Variants in LBHD1 observed in about 807,000 individuals in gnomAD.
LBHD1 encodes the protein LBH domain-containing protein 1.
LBHD1 carries 28 observed loss-of-function variants against 31.1 expected under a neutral mutation model. That is an observed-to-expected ratio of 0.90 (90% confidence interval 0.67 to 1.24). LBHD1 has a LOEUF of 1.24. Among genes scored for constraint, LBHD1 ranks in the 50% most tolerant of loss-of-function variants. LBHD1 has a pLI of 0.00. For synonymous variants in LBHD1, 105 were observed against 116.5 expected (o/e 0.90, Z 0.63); for missense variants, 350 against 323.0 (o/e 1.08, Z -0.64).
In LBHD1 at chr11:62,671,798, C is replaced by A; in HGVS notation, c.-245G>T. The A allele has an allele frequency of 1.2e-6, 2 of 1,614,120 alleles. No individual in the cohort carries two copies. Among genetic ancestry groups the A allele is most frequent in the Non-Finnish European group, 1.7e-6 (2 of 1,180,022 alleles). On this transcript the variant is annotated 5_prime_UTR_variant, in exon 1 of 7. Coordinates refer to ENST00000354588, the MANE Select transcript of LBHD1 (RefSeq NM_024099.5). Reference sequence around the variant, plus strand: ...TCAGTCGCAATGCTGGGCGCAGGGGCTGGCGTGGGCTACGCGCTCCTCGTT... The same window carrying A: ...TCAGTCGCAATGCTGGGCGCAGGGGATGGCGTGGGCTACGCGCTCCTCGTT...
At chr11:62,663,431 G>A in intron 5 of LBHD1, 98 bp from the exon 6 acceptor site, 1 of 1,289,628 alleles carries the variant, frequency 7.8e-7, no homozygotes, top group Non-Finnish European at 1.1e-6. Flanking sequence ...AATAGGCTGG[G>A]CGCAGTGGCT....
At chr11:62,668,034 C>A in intron 3 of LBHD1, 1 of 294,532 alleles carries the variant, frequency 3.4e-6, no homozygotes, top group East Asian at 5.8e-5. Flanking sequence ...AGCTGCTGCA[C>A]TTGAGCTAAA....
chr11:62,664,884 T>G lies in LBHD1; in HGVS notation c.628A>C (p.Arg210=). ...TGAGGTGGTGCCGCGTGATCAGCCC[T>G]TGGTCTATCACAGCCCCGACCACCC... ...APGGRGCDRP[R]ADHAAPPQEA... Residue 210 remains arginine, a synonymous_variant, in exon 5 of 7, where the codon AGG becomes CGG. Transcript: ENST00000354588. 1 of 1,587,074 alleles carries G rather than the reference T, an allele frequency of 6.3e-7. No individual in the cohort carries two copies. Among genetic ancestry groups the G allele is most frequent in the Non-Finnish European group, 8.6e-7 (1 of 1,166,740 alleles).
Position 62,670,080 on chromosome 11 carries a change from G to A in LBHD1, c.-10-39C>T, listed in dbSNP as rs753084147. On this transcript the variant is annotated intron_variant, in intron 1 of 6. Coordinates refer to ENST00000354588, the MANE Select transcript of LBHD1 (RefSeq NM_024099.5). ...ATGATTGAACTCAGAGGAGAGTACT[G>A]CTGCCCAGTGCACCCCACAAACTGT... 5 of 1,545,726 alleles carry A rather than the reference G, an allele frequency of 3.2e-6. No individual in the cohort carries two copies. In the East Asian group the frequency reaches 9.0e-5, roughly 28 times the overall value.
rs771786748 is a variant in LBHD1 at position 62,672,119 on chromosome 11, G to A, written c.-566C>T. On this transcript the variant is annotated 5_prime_UTR_variant, in exon 1 of 7. Coordinates refer to ENST00000354588, the MANE Select transcript of LBHD1 (RefSeq NM_024099.5). ...GCCGGCGGGAGGTCACCGTGAGACC[G>A]GACTTGCCTCCGTGGGCGCCGGACC... 20 of 1,567,768 alleles carry A rather than the reference G, an allele frequency of 1.3e-5. No homozygotes were observed. The highest frequency in any genetic ancestry group is 1.7e-5 in the Non-Finnish European group (20 of 1,157,824).
intron 3 of LBHD1, among the ~76,000 whole-genome samples, chr11:62,669,041 C>T (rs916634596): frequency 1.3e-5 from 2 of 151,428 alleles, no homozygotes; most frequent in Non-Finnish European, 2.9e-5. Context: ...ATTCTCCTGC[C>T]TCCCGAGTAG....
In LBHD1 at chr11:62,664,878, C is replaced by G; in HGVS notation, c.634G>C (p.Asp212His). 6.3e-7 allele frequency: 1 copy of G among 1,582,706 alleles called. No individual in the cohort carries two copies. The highest frequency in any genetic ancestry group is 8.6e-7 in the Non-Finnish European group (1 of 1,164,336). ...GCTTCTTGAGGTGGTGCCGCGTGATCAGCCCTTGGTCTATCACAGCCCCGA... is the reference window on the plus strand; with the variant it reads ...GCTTCTTGAGGTGGTGCCGCGTGATGAGCCCTTGGTCTATCACAGCCCCGA... ...GGRGCDRPRA[D>H]HAAPPQEAGV... Residue 212 changes from aspartate to histidine, a missense_variant, in exon 5 of 7, where the codon GAT (aspartate) becomes CAT (histidine). Transcript: ENST00000354588.
chr11:62,670,494 T>C (rs1944919181), intron 1 of LBHD1: 1 of 158,562 alleles, frequency 6.3e-6, no homozygotes, highest in Admixed American at 6.2e-5. Flanking sequence ...CATTTTCTGA[T>C]GCAGAAACCG....
In LBHD1 at chr11:62,670,037, T is replaced by C. The variant is rs370162515; in HGVS notation, c.-6A>G. On this transcript the variant is annotated 5_prime_UTR_variant, in exon 2 of 7. Transcript: ENST00000354588. ...CTCCCTGGCACAAGGGCCATGGTGGTGATTCTTAGAGTGCAAGATGATTGA... is the reference window on the plus strand; with the variant it reads ...CTCCCTGGCACAAGGGCCATGGTGGCGATTCTTAGAGTGCAAGATGATTGA... The C allele has an allele frequency of 1.2e-6, 2 of 1,606,462 alleles. No homozygotes were observed. Among genetic ancestry groups the C allele is most frequent in the Admixed American group, 1.7e-5 (1 of 59,578 alleles).
At chr11:62,671,486 G>A (rs1944941337) in intron 1 of LBHD1, 78 bp downstream of exon 1, 2 of 1,359,480 alleles carry the variant, frequency 1.5e-6, no homozygotes, top group Non-Finnish European at 1.9e-6. Flanking sequence ...ATCCCACCCC[G>A]GAATTGAGGA....
At chr11:62,665,953 A>T in intron 4 of LBHD1, 1 of 1,583,188 alleles carries the variant, frequency 6.3e-7, no homozygotes. Flanking sequence ...GCGGGTAGGG[A>T]GGTGGGGGCA....
intron 4 of LBHD1, chr11:62,666,055 A>G: frequency 7.9e-7 from 1 of 1,270,088 alleles, no homozygotes; most frequent in Non-Finnish European, 1.1e-6. Context: ...TGATTCTCAA[A>G]CCCTACGGTG....
intron 5 of LBHD1, 59 bp downstream of exon 5, chr11:62,664,790 T>G: frequency 3.2e-6 from 5 of 1,544,464 alleles, no homozygotes; most frequent in Non-Finnish European, 3.5e-6. Flanking sequence ...TCCGGAGCTC[T>G]GCAGGGAGGA....
At chr11:62,667,004 T>G in intron 4 of LBHD1, 1 of 1,612,400 alleles carries the variant, frequency 6.2e-7, no homozygotes, top group Non-Finnish European at 8.5e-7. Flanking sequence ...GCTAGGCCCG[T>G]TCAGGGGCAT....
rs1944791780 is a variant in LBHD1, at chr11:62,665,811, G to A, written c.539-838C>T. 9 of 1,583,080 alleles carry A rather than the reference G, an allele frequency of 5.7e-6. No individual in the cohort carries two copies. In the South Asian group the frequency reaches 1.0e-4, roughly 18 times the overall value. ...TTGCAGATCTTCCCCTGGACCTCAG[G>A]CCTCTCCGGCTGGAGTAGGGTGGAC... On this transcript the variant is annotated intron_variant, in intron 4 of 6. Transcript: ENST00000354588.
intron 4 of LBHD1, chr11:62,666,839 C>G (rs779457794): frequency 6.2e-7 from 1 of 1,614,144 alleles, no homozygotes; most frequent in South Asian, 1.1e-5. Context: ...TGCTGTTGCC[C>G]GGGGAGGTCT....
At position 62,663,300 on chromosome 11, in the gene LBHD1, C is replaced by G. The variant is rs1210506191; in HGVS notation, c.697G>C (p.Glu233Gln). The change falls in exon 6 of 7, where the codon GAA becomes CAA. Residue 233 changes from glutamate to glutamine, a missense_variant. Transcript: ENST00000354588. Reference protein sequence around the residue: ...QCTCQHYTVREEAQKTPPADP... With the variant: ...QCTCQHYTVRQEAQKTPPADP... ...GCTGGAGGAGTTTTCTGCGCTTCTTCCCTGACAGTGTAATGTTGGCACGTG... is the reference window on the plus strand; with the variant it reads ...GCTGGAGGAGTTTTCTGCGCTTCTTGCCTGACAGTGTAATGTTGGCACGTG... 2 of 1,614,186 alleles carry G rather than the reference C, an allele frequency of 1.2e-6. No homozygotes were observed. The highest frequency in any genetic ancestry group is 2.2e-5 in the East Asian group (1 of 44,884).
At chr11:62,665,190 T>C (rs1944762013) in intron 4 of LBHD1, 1 of 811,822 alleles carries the variant, frequency 1.2e-6, no homozygotes, top group East Asian at 2.6e-5. Context: ...CCACTCCAGT[T>C]CACGGTCCGT....
chr11:62,667,946 T>C, intron 3 of LBHD1, 199 bp from the exon 4 acceptor site: 2 of 535,980 alleles, frequency 3.7e-6, no homozygotes, highest in Non-Finnish European at 6.7e-6. Context: ...CACAGGCATG[T>C]AGTTCCAACT....
Sources: allele counts gnomAD v4.1 joint callset (sites outside exome capture counted in the v4.1 genomes callset), GRCh38; gene constraint gnomAD v4.1.1; transcripts MANE v1.5; gene names NCBI Gene and HGNC (gene_info 2026-07-23, HGNC 2026-07-21).